DDX25: variants seen among roughly 807,000 people sequenced by gnomAD.
The protein encoded by DDX25 is DEAD-box helicase 25.
In DDX25, 70 loss-of-function variants were observed where a neutral mutation model predicts 64.6. That is an observed-to-expected ratio of 1.08 (90% CI 0.89 to 1.32). The LOEUF (loss-of-function observed/expected upper bound fraction) is 1.32. Ranked by LOEUF, DDX25 falls within the 40% of genes most tolerant of loss-of-function variation. The probability of loss-of-function intolerance (pLI) is 0.00; values close to 1 mark genes in which losing one functional copy is unlikely to be tolerated. For synonymous variants in DDX25, 211 were observed against 213.3 expected, an observed-to-expected ratio of 0.99 and a Z score of 0.09; for missense variants, 587 against 604.4, an observed-to-expected ratio of 0.97 and a Z score of 0.30.
rs1314456986 is a variant in DDX25, at chr11:125,925,519, T to C, written c.*2638T>C. The C allele has an allele frequency of 2.2e-6, 1 of 455,652 alleles. No individual in the cohort carries two copies. Among genetic ancestry groups the C allele is most frequent in the South Asian group, 1.6e-5 (1 of 64,502 alleles). The allele number at this position is 455,652 out of a possible 1,614,324, so 28.2% of individuals were successfully genotyped here. A position where few individuals can be genotyped will look rare whatever the true frequency, so the allele number is the denominator to read the frequency against. The stretch of plus-strand genomic sequence containing the variant: ...TTCCTGCATGGCCTGGCCAAGGTCA[T>C]CTCTCTCAGTGCCTGCCTGAGGACA... On this transcript the variant is annotated 3_prime_UTR_variant, in exon 12 of 12. Coordinates refer to ENST00000263576, the MANE Select transcript of DDX25 (RefSeq NM_013264.5).
At chr11:125,903,906 AT>A (rs1180109083), upstream of DDX25, among the ~76,000 whole-genome samples, 2 of 152,238 alleles carry the variant, frequency 1.3e-5, no homozygotes, top group Admixed American at 6.5e-5. Flanking sequence ...AAGAGACCAC[AT>A]TTCAGAATAA....
chr11:125,925,121 G>T lies in DDX25; in HGVS notation c.*2240G>T, dbSNP rs1054528840. On this transcript the variant is annotated 3_prime_UTR_variant, in exon 12 of 12. Transcript: ENST00000263576. Reference sequence around the variant, plus strand: ...CATGAGAAGTGTATCCAGATACTTTGTTCTCTTACTATTCGAGAATCGAGT... The same window carrying T: ...CATGAGAAGTGTATCCAGATACTTTTTTCTCTTACTATTCGAGAATCGAGT... 44 of 218,972 alleles carry T rather than the reference G, an allele frequency of 2.0e-4. No individual in the cohort carries two copies. The highest frequency in any genetic ancestry group is 8.9e-4 in the African/African-American group (39 of 43,712). 13.6% of individuals were successfully genotyped at this position (218,972 alleles called of 1,614,324 possible). A position where few individuals can be genotyped will look rare whatever the true frequency, so the allele number is the denominator to read the frequency against.
At chr11:125,914,545 C>T (rs767558734) in intron 8 of DDX25, among the ~76,000 whole-genome samples, 3 of 152,144 alleles carry the variant, frequency 2.0e-5, no homozygotes. Context: ...TTCCACAGGC[C>T]TAGCTACCTA....
In DDX25 at chr11:125,908,193, CAGAA is replaced by C. The variant is rs766197314; in HGVS notation, c.312_315del (p.Glu106SerfsTer3). On this transcript the variant is annotated splice_acceptor_variant and coding_sequence_variant, in exon 5 of 12. Coordinates refer to ENST00000263576, the MANE Select transcript of DDX25 (RefSeq NM_013264.5). LOFTEE classifies it high-confidence loss of function. Reference sequence around the variant, plus strand: ...GTAAGTGTTTGATTTTTTTTTTTGACAGAAAGGAAGAGTTACTAAAAGGAATCTA... The same window carrying C: ...GTAAGTGTTTGATTTTTTTTTTTGACAGGAAGAGTTACTAAAAGGAATCTA... 1.9e-6 allele frequency: 3 copies of C among 1,582,834 alleles called. No homozygotes were observed. The highest frequency in any genetic ancestry group is 2.2e-5 in the East Asian group (1 of 44,554).
chr11:125,914,095 A>T (rs142429047), intron 8 of DDX25, among the ~76,000 whole-genome samples: 11 of 152,020 alleles, frequency 7.2e-5, no homozygotes, highest in African/African-American at 2.2e-4. Flanking sequence ...GTATTTAAAA[A>T]TTTTTTCTGT....
At chr11:125,918,548 GC>G in intron 9 of DDX25, 79 bp from the exon 10 acceptor site, 6 of 1,496,562 alleles carry the variant, frequency 4.0e-6, no homozygotes, top group Non-Finnish European at 5.4e-6. Context: ...CCCCCGCCCT[GC>G]ATGCATGGTG....
Position 125,917,194 on chromosome 11 carries a change from A to G in DDX25, c.981A>G (p.Gln327=). Reference sequence around the variant, plus strand: ...GTGAGCACAGGAAAGACAAATACCAAGCTCTGTGCAACATTTATGGCAGCA... The same window carrying G: ...GTGAGCACAGGAAAGACAAATACCAGGCTCTGTGCAACATTTATGGCAGCA... ...VLCEHRKDKY[Q]ALCNIYGSIT... Residue 327 remains glutamine, a synonymous_variant, in exon 9 of 12, where the codon CAA becomes CAG. Coordinates refer to ENST00000263576, the MANE Select transcript of DDX25 (RefSeq NM_013264.5). 1 of 1,611,056 alleles carries G rather than the reference A, an allele frequency of 6.2e-7. No individual in the cohort carries two copies. Among genetic ancestry groups the G allele is most frequent in the Non-Finnish European group, 8.5e-7 (1 of 1,178,860 alleles).
chr11:125,915,855 A>T (rs1317196890), intron 8 of DDX25, among the ~76,000 whole-genome samples: 2 of 152,182 alleles, frequency 1.3e-5, no homozygotes, highest in African/African-American at 4.8e-5. Flanking sequence ...GTGTAGCTTC[A>T]TCCACTTTCT....
At chr11:125,906,846 T>G (rs1198130302) in intron 4 of DDX25, among the ~76,000 whole-genome samples, 1 of 144,910 alleles carries the variant, frequency 6.9e-6, no homozygotes, top group Non-Finnish European at 1.5e-5. Flanking sequence ...AAAAAGGATA[T>G]TCTAAAGAAG....
chr11:125,918,834 T>C (rs1357581490), intron 10 of DDX25, 44 bp downstream of exon 10: 1 of 1,522,828 alleles, frequency 6.6e-7, no homozygotes, highest in Non-Finnish European at 8.9e-7. Context: ...TTGCATATGA[T>C]AAAATGCATT....
At position 125,910,467 on chromosome 11, in the gene DDX25, G is replaced by A. The variant is rs759810402; in HGVS notation, c.611G>A (p.Arg204Gln). Residue 204 changes from arginine to glutamine, a missense_variant, in exon 7 of 12, where the codon CGA becomes CAA. Coordinates refer to ENST00000263576, the MANE Select transcript of DDX25 (RefSeq NM_013264.5). The part of the protein sequence containing the change: ...CVDVQVMYAI[R>Q]GNRIPRGTDI... The stretch of plus-strand genomic sequence containing the variant: ...GATGTTCAAGTGATGTATGCCATTC[G>A]AGGGAATCGAAGTATGTACCAGTAA... The A allele has an allele frequency of 1.3e-5, 21 of 1,613,922 alleles. No homozygotes were observed. The East Asian group carries it at 1.8e-4, about 14-fold the overall frequency.
intron 4 of DDX25, 68 bp downstream of exon 4, chr11:125,906,277 A>G (rs1390589794): frequency 2.8e-6 from 4 of 1,451,330 alleles, no homozygotes; most frequent in African/African-American, 1.5e-5. Context: ...ATCTGCTTAT[A>G]GTAAAAACCA....
At position 125,921,257 on chromosome 11, in the gene DDX25, C is replaced by T. The variant is rs773769866; in HGVS notation, c.1268C>T (p.Pro423Leu). 16 of 1,612,846 alleles carry T rather than the reference C, an allele frequency of 9.9e-6. No homozygotes were observed. Among genetic ancestry groups the T allele is most frequent in the African/African-American group, 2.7e-5 (2 of 74,876 alleles). The change falls in exon 11 of 12, where the codon CCG becomes CTG. Residue 423 changes from proline (P) to leucine (L), a missense_variant. Coordinates refer to ENST00000263576, the MANE Select transcript of DDX25 (RefSeq NM_013264.5). The surrounding 1 kb of genome is among the most constrained non-coding windows in gnomAD (Gnocchi z 4.1). ...FDLPVKQGEE[P>L]DYETYLHRIG... ...CTCCCTGTAAAACAAGGAGAGGAGC[C>T]GGACTATGAGACCTACCTCCACCGC...
chr11:125,910,857 C>T (rs1944957189), intron 7 of DDX25, among the ~76,000 whole-genome samples: 1 of 151,126 alleles, frequency 6.6e-6, no homozygotes, highest in African/African-American at 2.4e-5. Flanking sequence ...TTCTTCATTG[C>T]CTTCCAGAAA....
At position 125,910,461 on chromosome 11, in the gene DDX25, C is replaced by T. The variant is rs1591516976; in HGVS notation, c.605C>T (p.Ala202Val). Reference sequence around the variant, plus strand: ...TGTGTGGATGTTCAAGTGATGTATGCCATTCGAGGGAATCGAAGTATGTAC... The same window carrying T: ...TGTGTGGATGTTCAAGTGATGTATGTCATTCGAGGGAATCGAAGTATGTAC... The part of the protein sequence containing the change: ...KFCVDVQVMY[A>V]IRGNRIPRGT... Residue 202 changes from alanine to valine, a missense_variant, in exon 7 of 12, where the codon GCC becomes GTC. Coordinates refer to ENST00000263576, the MANE Select transcript of DDX25 (RefSeq NM_013264.5). 6.2e-7 allele frequency: 1 copy of T among 1,613,912 alleles called. No individual in the cohort carries two copies. Among genetic ancestry groups the T allele is most frequent in the East Asian group, 2.2e-5 (1 of 44,870 alleles).
intron 8 of DDX25, among the ~76,000 whole-genome samples, chr11:125,915,203 G>A (rs960811763): frequency 3.3e-5 from 5 of 152,142 alleles, no homozygotes; most frequent in East Asian, 1.9e-4. Flanking sequence ...TTGATCAGCC[G>A]TCCATTGTTA....
In DDX25 at chr11:125,921,305, G is replaced by A; in HGVS notation, c.1316G>A (p.Gly439Glu). The A allele has an allele frequency of 1.2e-6, 2 of 1,613,628 alleles. No individual in the cohort carries two copies. The highest frequency in any genetic ancestry group is 1.7e-6 in the Non-Finnish European group (2 of 1,179,788). Residue 439 changes from glycine (G) to glutamate (E), a missense_variant, in exon 11 of 12, where the codon GGG becomes GAG. Coordinates refer to ENST00000263576, the MANE Select transcript of DDX25 (RefSeq NM_013264.5). This position sits in a 1 kb window ranked among gnomAD's most constrained non-coding sequence, Gnocchi z 4.1. Reference protein sequence around the residue: ...LHRIGRTGRFGKKGLAFNMIE... With the variant: ...LHRIGRTGRFEKKGLAFNMIE... ...CGCATAGGGCGGACGGGGCGCTTTG[G>A]GAAAAAAGGCCTTGCCTTCAACATG...
At position 125,917,155 on chromosome 11, in the gene DDX25, A is replaced by G. The variant is rs1230576508; in HGVS notation, c.942A>G (p.Gln314=). 2.5e-6 allele frequency: 4 copies of G among 1,611,356 alleles called. No homozygotes were observed. Among genetic ancestry groups the G allele is most frequent in the Non-Finnish European group, 3.4e-6 (4 of 1,178,986 alleles). The change falls in exon 9 of 12, where the codon CAA becomes CAG. Residue 314 remains glutamine (Q), a synonymous_variant. Transcript: ENST00000263576. ...KEELTLNNIR[Q]YYVLCEHRKD... ...AGCTCACACTGAACAACATCCGGCA[A>G]TATTACGTGCTGTGTGAGCACAGGA...
Position 125,923,976 on chromosome 11 carries a change from A to G in DDX25, c.*1095A>G, listed in dbSNP as rs895556844. On this transcript the variant is annotated 3_prime_UTR_variant, in exon 12 of 12. Coordinates refer to ENST00000263576, the MANE Select transcript of DDX25 (RefSeq NM_013264.5). ...GAGCAGGGCTCAGAAATACATAAAA[A>G]TCATCACGTGGCTGGGCACAGTGGC... The G allele has an allele frequency of 6.6e-6, 1 of 152,196 alleles. No homozygotes were observed. Among genetic ancestry groups the G allele is most frequent in the Admixed American group, 6.5e-5 (1 of 15,272 alleles). 9.4% of individuals were successfully genotyped at this position (152,196 alleles called of 1,614,324 possible). A position where few individuals can be genotyped will look rare whatever the true frequency, so the allele number is the denominator to read the frequency against.
Sources: allele counts gnomAD v4.1 joint callset (sites outside exome capture counted in the v4.1 genomes callset), GRCh38; gene constraint gnomAD v4.1.1; non-coding constraint Gnocchi (gnomAD v3.1); transcripts MANE v1.5; gene names NCBI Gene and HGNC (gene_info 2026-07-23, HGNC 2026-07-21).